THSD4: variants seen among roughly 807,000 people sequenced by gnomAD.
The protein encoded by THSD4 is thrombospondin type 1 domain containing 4.
THSD4 carries 69 observed loss-of-function variants against 119.0 expected under a neutral mutation model. The observed-to-expected ratio is 0.58, with a 90% CI of 0.48 to 0.71. The LOEUF (loss-of-function observed/expected upper bound fraction) is 0.71, where lower values mean the gene tolerates loss of function less well. THSD4 is among the 30% of genes least tolerant of loss of function. The probability of loss-of-function intolerance (pLI) is 0.00; values close to 1 mark genes in which losing one functional copy is unlikely to be tolerated. For synonymous variants in THSD4, 524 were observed against 540.4 expected (o/e 0.97, Z 0.42); for missense variants, 1,393 against 1,391.1 (o/e 1.00, Z -0.02).
chr15:71,215,400 G>C lies in THSD4; in HGVS notation c.464+1G>C, dbSNP rs1418775427. On this transcript the variant is annotated splice_donor_variant, in intron 4 of 17. Coordinates refer to ENST00000261862, the MANE Select transcript of THSD4 (RefSeq NM_024817.3). LOFTEE classifies it high-confidence loss of function. Reference sequence around the variant, plus strand: ...GCCTCGAAGTCACTGGGGACAGAAGGTACACGCCCGCCCTTGTCTGTGCCG... The same window carrying C: ...GCCTCGAAGTCACTGGGGACAGAAGCTACACGCCCGCCCTTGTCTGTGCCG... The C allele has an allele frequency of 3.9e-6, 6 of 1,525,548 alleles. No homozygotes were observed. The highest frequency in any genetic ancestry group is 1.8e-6 in the Non-Finnish European group (2 of 1,141,676). 94.5% of individuals were successfully genotyped at this position (1,525,548 alleles called of 1,614,324 possible).
chr15:71,323,096 TAAAAAAAAAA>T (rs34395762), intron 6 of THSD4, among the ~76,000 whole-genome samples: 1 of 98,544 alleles, frequency 1.0e-5, no homozygotes, highest in Non-Finnish European at 2.0e-5. Context: ...GACCCTGTCT[TAAAAAAAAAA>T]AAAAAAAAAA....
At chr15:71,561,590 A>G (rs190451644) in intron 7 of THSD4, among the ~76,000 whole-genome samples, 182 of 152,188 alleles carry the variant, frequency 1.2e-3, no homozygotes, top group Non-Finnish European at 2.3e-3. Flanking sequence ...GATCCTAGAG[A>G]GGGGAGGTAT....
intron 7 of THSD4, among the ~76,000 whole-genome samples, chr15:71,447,332 G>A (rs952302709): frequency 6.6e-6 from 1 of 151,972 alleles, no homozygotes; most frequent in Admixed American, 6.5e-5. Context: ...TGTTGGACAG[G>A]ATTGTCTTGA....
intron 17 of THSD4, among the ~76,000 whole-genome samples, chr15:71,776,499 A>G (rs2140257795): frequency 6.6e-6 from 1 of 152,374 alleles, no homozygotes; most frequent in South Asian, 2.1e-4. Context: ...TTTCACATTC[A>G]CTAGCTCAGC....
intron 6 of THSD4, among the ~76,000 whole-genome samples, chr15:71,283,244 C>G (rs1179740897): frequency 6.6e-6 from 1 of 152,194 alleles, no homozygotes; most frequent in Non-Finnish European, 1.5e-5. Flanking sequence ...GCTGGGATTA[C>G]AGGCGTGAGC....
chr15:71,667,273 T>TA (rs2051435600), intron 8 of THSD4, among the ~76,000 whole-genome samples: 1 of 152,256 alleles, frequency 6.6e-6, no homozygotes, highest in Non-Finnish European at 1.5e-5. Context: ...AAAGTTTATT[T>TA]AAATGATTGA....
At chr15:71,659,249 T>C (rs1050820796) in intron 7 of THSD4, among the ~76,000 whole-genome samples, 3 of 152,190 alleles carry the variant, frequency 2.0e-5, no homozygotes, top group Non-Finnish European at 4.4e-5. Context: ...GTCCAAACCA[T>C]AATCTACCCA....
chr15:71,387,462 A>G (rs1338478849), intron 6 of THSD4, among the ~76,000 whole-genome samples: 1 of 152,156 alleles, frequency 6.6e-6, no homozygotes, highest in Non-Finnish European at 1.5e-5. Context: ...CTTTTTCCTA[A>G]TATGTATAAA....
chr15:71,395,177 G>A lies in THSD4; in HGVS notation c.1016-16510G>A, dbSNP rs530388385. 3.9e-5 allele frequency among the ~76,000 whole-genome samples: 6 copies of A among 152,320 alleles called. No homozygotes were observed. The South Asian group carries it at 1.0e-3, about 26-fold the overall frequency. On this transcript the variant is annotated intron_variant, in intron 6 of 17. Coordinates refer to ENST00000261862, the MANE Select transcript of THSD4 (RefSeq NM_024817.3). Reference sequence around the variant, plus strand: ...GATATTCTGAGGATGGTGAAGGACCGGATGGCTGTGAGGAGAGGAGTAACA... The same window carrying A: ...GATATTCTGAGGATGGTGAAGGACCAGATGGCTGTGAGGAGAGGAGTAACA...
At chr15:71,107,163 G>A (rs1272876090) in intron 1 of THSD4, among the ~76,000 whole-genome samples, 1 of 152,214 alleles carries the variant, frequency 6.6e-6, no homozygotes, top group Non-Finnish European at 1.5e-5. Context: ...ACAACCTGAT[G>A]TGCTGTCTTC....
At chr15:71,655,320 T>C (rs2051168137) in intron 7 of THSD4, among the ~76,000 whole-genome samples, 1 of 152,198 alleles carries the variant, frequency 6.6e-6, no homozygotes, top group Non-Finnish European at 1.5e-5. Flanking sequence ...GACTTTATGG[T>C]GAACCTTGGC....
At chr15:71,237,055 A>G (rs35465751) in intron 4 of THSD4, among the ~76,000 whole-genome samples, 14,115 of 152,256 alleles carry the variant, frequency 0.093, 936 homozygotes, top group Middle Eastern at 0.21. Context: ...CTGAGGAGGT[A>G]CAAGTGGTGT....
intron 6 of THSD4, among the ~76,000 whole-genome samples, chr15:71,347,149 C>T (rs956526083): frequency 1.3e-5 from 2 of 152,148 alleles, no homozygotes; most frequent in Non-Finnish European, 2.9e-5. Context: ...GCTGGGATTA[C>T]AGGTGTGAGC....
chr15:71,463,435 G>A (rs1037236747), intron 7 of THSD4, among the ~76,000 whole-genome samples: 2 of 152,066 alleles, frequency 1.3e-5, no homozygotes, highest in African/African-American at 2.4e-5. Flanking sequence ...AAATTATACC[G>A]TCATCTGGTC....
At chr15:71,762,878 C>T (rs550133951) in intron 15 of THSD4, among the ~76,000 whole-genome samples, 5 of 152,174 alleles carry the variant, frequency 3.3e-5, no homozygotes, top group African/African-American at 1.2e-4. Flanking sequence ...TGAGACCACC[C>T]TGGCCAATAT....
At chr15:71,191,170 A>G (rs557825124) in intron 3 of THSD4, among the ~76,000 whole-genome samples, 42 of 152,106 alleles carry the variant, frequency 2.8e-4, no homozygotes, top group Admixed American at 4.6e-4. Flanking sequence ...CAGGGCCACC[A>G]TCTTTGTCCC....
At chr15:71,710,260 CTT>C (rs2052483246) in intron 8 of THSD4, among the ~76,000 whole-genome samples, 2 of 152,180 alleles carry the variant, frequency 1.3e-5, no homozygotes, top group Admixed American at 1.3e-4. Flanking sequence ...TCTGAGGACA[CTT>C]TGTAGAAATC....
At chr15:71,319,388 C>A (rs1052878545) in intron 6 of THSD4, among the ~76,000 whole-genome samples, 18 of 122,174 alleles carry the variant, frequency 1.5e-4, no homozygotes, top group Admixed American at 6.0e-4. Flanking sequence ...CTATCCCTCC[C>A]CCCTCCCCCT....
intron 3 of THSD4, chr15:71,164,920 T>G: frequency 6.4e-7 from 1 of 1,569,388 alleles, no homozygotes; most frequent in Non-Finnish European, 8.6e-7. Flanking sequence ...CATCAGGCTT[T>G]CCTTTAGCTC....
Sources: gnomAD v4.1 joint callset for allele counts (sites outside exome capture counted in the v4.1 genomes callset) on GRCh38, gnomAD v4.1.1 for gene constraint, MANE v1.5 for transcripts, NCBI Gene and HGNC (gene_info 2026-07-23, HGNC 2026-07-21) for gene names.